The following HIC1 variants were observed in gnomAD, a reference collection of about 807,000 sequenced individuals.
HIC1 encodes the protein hypermethylated in cancer 1 protein.
A neutral mutation model predicts 26.4 loss-of-function variants in HIC1; 9 were observed. The ratio of observed to expected loss-of-function variants is 0.34; its 90% CI spans 0.21 to 0.59. HIC1 has a LOEUF of 0.59. HIC1 is among the 20% of genes least tolerant of loss of function. The pLI, the probability that HIC1 is intolerant of heterozygous loss-of-function variation, is 0.82. For synonymous variants in HIC1, 631 were observed against 523.1 expected (o/e 1.21, Z -2.81); for missense variants, 965 against 1,075.7 (o/e 0.90, Z 1.44).
chr17:2,057,770 C>A lies in HIC1; in HGVS notation c.1080C>A (p.Arg360=). The A allele has an allele frequency of 6.8e-7, 1 of 1,464,904 alleles. No individual in the cohort carries two copies. The highest frequency in any genetic ancestry group is 1.3e-5 in the South Asian group (1 of 74,936). 90.7% of individuals were successfully genotyped at this position (1,464,904 alleles called of 1,614,324 possible). The change falls in exon 2 of 2, where the codon CGC becomes CGA. Residue 360 remains arginine (R), a synonymous_variant. Coordinates refer to ENST00000619757, the MANE Select transcript of HIC1 (RefSeq NM_006497.4). ...GPPLGLAPPP[R]YPGSLDGPGA... is the part of the protein sequence containing the mutation. The stretch of plus-strand genomic sequence containing the variant: ...CGCTCGGCCTGGCGCCGCCGCCGCG[C>A]TACCCTGGCAGCCTGGACGGGCCCG...
At chr17:2,056,220 T>C in intron 1 of HIC1, 1 of 1,143,452 alleles carries the variant, frequency 8.7e-7, no homozygotes, top group Non-Finnish European at 1.3e-6. Flanking sequence ...TCCGTATCAC[T>C]TCCCCCAACT....
chr17:2,058,676 G>C lies in HIC1; in HGVS notation c.1986G>C (p.Leu662=). Reference sequence around the variant, plus strand: ...TGCTGGCGCAGACCACGCACTTCCTGCACGACCCCAAGGTGGCGCTGGAGA... The same window carrying C: ...TGCTGGCGCAGACCACGCACTTCCTCCACGACCCCAAGGTGGCGCTGGAGA... ...AELLAQTTHF[L]HDPKVALESL... is the part of the protein sequence containing the mutation. Residue 662 remains leucine (L), a synonymous_variant, in exon 2 of 2, where the codon CTG becomes CTC. Transcript: ENST00000619757. The C allele has an allele frequency of 1.9e-6, 3 of 1,558,514 alleles. No individual in the cohort carries two copies. The highest frequency in any genetic ancestry group is 2.6e-6 in the Non-Finnish European group (3 of 1,157,606).
chr17:2,058,656 G>T lies in HIC1; in HGVS notation c.1966G>T (p.Ala656Ser). 6.4e-7 allele frequency: 1 copy of T among 1,564,136 alleles called. No homozygotes were observed. The highest frequency in any genetic ancestry group is 1.8e-5 in the Admixed American group (1 of 54,270). Residue 656 changes from alanine to serine, a missense_variant, in exon 2 of 2, where the codon GCG becomes TCG. Physicochemically the swap from Ala to Ser is moderately conservative, Grantham distance 99. Around this residue, in one of 6 missense-constraint regions of HIC1, gnomAD observed 210 missense variants for 179.2 expected, o/e 1.17. Coordinates refer to ENST00000619757, the MANE Select transcript of HIC1 (RefSeq NM_006497.4). ...CAAGGCGGCCGCGGCCGAGCTGCTG[G>T]CGCAGACCACGCACTTCCTGCACGA... ...QDKAAAAELL[A>S]QTTHFLHDPK...
Position 2,057,223 on chromosome 17 carries a change from C to A in HIC1, c.533C>A (p.Pro178Gln). The change falls in exon 2 of 2, where the codon CCG (proline) becomes CAG (glutamine). Residue 178 changes from proline to glutamine, a missense_variant. By Grantham distance (76) the Pro-to-Gln change is moderately conservative. Coordinates refer to ENST00000619757, the MANE Select transcript of HIC1 (RefSeq NM_006497.4). Reference sequence around the variant, plus strand: ...TACCCGTCCCCAGTCGGGCCTCCGCCGCCGCCTGCCGCGGAGCCGCCCTCG... The same window carrying A: ...TACCCGTCCCCAGTCGGGCCTCCGCAGCCGCCTGCCGCGGAGCCGCCCTCG... Reference protein sequence around the residue: ...ACYPSPVGPPPPPAAEPPSGP... With the variant: ...ACYPSPVGPPQPPAAEPPSGP... 7.1e-7 allele frequency: 1 copy of A among 1,408,910 alleles called. No individual in the cohort carries two copies. The highest frequency in any genetic ancestry group is 1.4e-5 in the South Asian group (1 of 70,208). 87.3% of individuals were successfully genotyped at this position (1,408,910 alleles called of 1,614,324 possible).
rs1184993734 is a variant in HIC1 at position 2,058,688 on chromosome 17, G to A, written c.1998G>A (p.Lys666=). 4 of 1,552,116 alleles carry A rather than the reference G, an allele frequency of 2.6e-6. No homozygotes were observed. The highest frequency in any genetic ancestry group is 3.5e-6 in the Non-Finnish European group (4 of 1,153,594). ...CCACGCACTTCCTGCACGACCCCAA[G>A]GTGGCGCTGGAGAGCCTCTACCCGC... ...AQTTHFLHDP[K]VALESLYPLA... is the part of the protein sequence containing the mutation. The change falls in exon 2 of 2, where the codon AAG becomes AAA. Residue 666 remains lysine (K), a synonymous_variant. Coordinates refer to ENST00000619757, the MANE Select transcript of HIC1 (RefSeq NM_006497.4).
At position 2,058,016 on chromosome 17, in the gene HIC1, G is replaced by C; in HGVS notation, c.1326G>C (p.Glu442Asp). 6.2e-7 allele frequency: 1 copy of C among 1,601,530 alleles called. No individual in the cohort carries two copies. The highest frequency in any genetic ancestry group is 8.5e-7 in the Non-Finnish European group (1 of 1,174,728). ...ACGCGCACGTGGAGGCTCACGTGGA[G>C]GAGGAGGAAGCGCTGTACGGCAGGG... ...QLNAHVEAHV[E>D]EEEALYGRAE... The change falls in exon 2 of 2, where the codon GAG becomes GAC. Residue 442 changes from glutamate (E) to aspartate (D), a missense_variant. Glu to Asp is a conservative substitution (Grantham distance 45). This residue lies in a region of HIC1 where 105 missense variants were observed against 101.4 expected (regional missense o/e 1.04). Transcript: ENST00000619757.
chr17:2,061,845 C>CAT lies in HIC1; in HGVS notation c.*3012_*3013dup, dbSNP rs2151377437. The CAT allele has an allele frequency of 3.8e-6, 2 of 528,594 alleles. No individual in the cohort carries two copies. Among genetic ancestry groups the CAT allele is most frequent in the Non-Finnish European group, 6.8e-6 (2 of 292,506 alleles). 32.7% of individuals were successfully genotyped at this position (528,594 alleles called of 1,614,324 possible). On this transcript the variant is annotated 3_prime_UTR_variant, in exon 2 of 2. Transcript: ENST00000619757. ...GGCTTCTGCCTTGACTCCGGCCTCC[C>CAT]ATACAGGACTCTCTTCTGCCTAGTT...
Position 2,058,337 on chromosome 17 carries a change from C to T in HIC1, c.1647C>T (p.Cys549=), listed in dbSNP as rs776060356. Residue 549 remains cysteine (C), a synonymous_variant, in exon 2 of 2, where the codon TGC becomes TGT. Transcript: ENST00000619757. ...TCAAGCCCTTCGCGTGCGACGCGTGCGGCATGCGGTTCACGCGCCAGTACC... is the reference window on the plus strand; with the variant it reads ...TCAAGCCCTTCGCGTGCGACGCGTGTGGCATGCGGTTCACGCGCCAGTACC... ...LGLKPFACDA[C]GMRFTRQYRL... The T allele has an allele frequency of 1.2e-6, 2 of 1,609,358 alleles. No individual in the cohort carries two copies. The highest frequency in any genetic ancestry group is 1.7e-5 in the Admixed American group (1 of 59,670).
At position 2,058,581 on chromosome 17, in the gene HIC1, T is replaced by C; in HGVS notation, c.1891T>C (p.Phe631Leu). The C allele has an allele frequency of 3.2e-6, 5 of 1,563,306 alleles. No homozygotes were observed. The highest frequency in any genetic ancestry group is 4.3e-6 in the Non-Finnish European group (5 of 1,162,080). The change falls in exon 2 of 2, where the codon TTT becomes CTT. Residue 631 changes from phenylalanine (F) to leucine (L), a missense_variant. Physicochemically the swap from Phe to Leu is conservative, Grantham distance 22. Transcript: ENST00000619757. Reference sequence around the variant, plus strand: ...CAAGCTCGACTTCCCCGAGGGCGTCTTTGCTGTGGCTCGCCTCACGGCCGA... The same window carrying C: ...CAAGCTCGACTTCCCCGAGGGCGTCCTTGCTGTGGCTCGCCTCACGGCCGA... ...KGKLDFPEGVFAVARLTAEQL... is the reference protein window; with the variant it reads ...KGKLDFPEGVLAVARLTAEQL...
rs1434591722 is a variant in HIC1, at chr17:2,063,212, A to AT, written c.*4382dup. On this transcript the variant is annotated 3_prime_UTR_variant, in exon 2 of 2. Coordinates refer to ENST00000619757, the MANE Select transcript of HIC1 (RefSeq NM_006497.4). ...CAGGGGTTTCTGTGGATACTTTGACATTTTTCACAATAAACATCCTCTGTT... is the reference window on the plus strand; with the variant it reads ...CAGGGGTTTCTGTGGATACTTTGACATTTTTTCACAATAAACATCCTCTGTT... 3.3e-5 allele frequency: 5 copies of AT among 152,294 alleles called. No individual in the cohort carries two copies. Among genetic ancestry groups the AT allele is most frequent in the East Asian group, 1.9e-4 (1 of 5,188 alleles). 9.4% of individuals were successfully genotyped at this position (152,294 alleles called of 1,614,324 possible). A position where few individuals can be genotyped will look rare whatever the true frequency, so the allele number is the denominator to read the frequency against.
In HIC1 at chr17:2,059,117, T is replaced by C. The variant is rs1042430070; in HGVS notation, c.*282T>C. On this transcript the variant is annotated 3_prime_UTR_variant, in exon 2 of 2. Coordinates refer to ENST00000619757, the MANE Select transcript of HIC1 (RefSeq NM_006497.4). ...ACCCCAGGCCCCTCCCGCCTCTTCC[T>C]GTGGTTCGTCGGCCCCCTCCCCCGG... The C allele has an allele frequency of 3.1e-5, 11 of 360,560 alleles. No homozygotes were observed. Among genetic ancestry groups the C allele is most frequent in the Admixed American group, 2.0e-4 (4 of 20,156 alleles). 22.3% of individuals were successfully genotyped at this position (360,560 alleles called of 1,614,324 possible).
In HIC1 at chr17:2,055,843, G is replaced by C. The variant is rs1259783036; in HGVS notation, c.-21+605G>C. On this transcript the variant is annotated intron_variant, in intron 1 of 1. Transcript: ENST00000619757. This position sits in a 1 kb window ranked among gnomAD's most constrained non-coding sequence, Gnocchi z 6.4. ...AGTTTGGGGCGGCGGAGTTCCGGGGGAGAAGGGGCCGGGGGAGCCGCGGAG... is the reference window on the plus strand; with the variant it reads ...AGTTTGGGGCGGCGGAGTTCCGGGGCAGAAGGGGCCGGGGGAGCCGCGGAG... Among the ~76,000 whole-genome samples, 28 of 151,610 alleles carry C rather than the reference G, an allele frequency of 1.8e-4. No homozygotes were observed. In the East Asian group the frequency reaches 4.3e-3, roughly 23 times the overall value.
Position 2,057,532 on chromosome 17 carries a change from C to T in HIC1, c.842C>T (p.Ala281Val), listed in dbSNP as rs2067683906. 2.0e-6 allele frequency: 3 copies of T among 1,496,426 alleles called. No homozygotes were observed. The highest frequency in any genetic ancestry group is 2.9e-5 in the African/African-American group (2 of 68,668). 92.7% of individuals were successfully genotyped at this position (1,496,426 alleles called of 1,614,324 possible). Residue 281 changes from alanine (A) to valine (V), a missense_variant, in exon 2 of 2, where the codon GCC becomes GTC. This residue lies in a region of HIC1 where 526 missense variants were observed against 525.0 expected (regional missense o/e 1.00). Transcript: ENST00000619757. ...CTGCCCTTCCAGAAGCTGGAGGAGG[C>T]CGCACCGCCTTCCGACCCATTTCGC... ...PPLPFQKLEE[A>V]APPSDPFRGG... is the part of the protein sequence containing the mutation.
rs1247173761 is a variant in HIC1 at position 2,061,509 on chromosome 17, A to G, written c.*2674A>G. 1 of 1,570,966 alleles carries G rather than the reference A, an allele frequency of 6.4e-7. No individual in the cohort carries two copies. The highest frequency in any genetic ancestry group is 8.6e-7 in the Non-Finnish European group (1 of 1,159,422). ...TGGCTCCCTCAGCCCACCTGGGCCCACGTGAGGAAGGCTGGGATGTCCCGT... is the reference window on the plus strand; with the variant it reads ...TGGCTCCCTCAGCCCACCTGGGCCCGCGTGAGGAAGGCTGGGATGTCCCGT... On this transcript the variant is annotated 3_prime_UTR_variant, in exon 2 of 2. Transcript: ENST00000619757.
Position 2,057,208 on chromosome 17 carries a change from C to CGGG in HIC1, c.518_519insGGG (p.Pro173_Val174insGly). ...GTCATCCAGGCCTGCTACCCGTCCC[C>CGGG]AGTCGGGCCTCCGCCGCCGCCTGCC... On this transcript the variant is annotated inframe_insertion, in exon 2 of 2. Coordinates refer to ENST00000619757, the MANE Select transcript of HIC1 (RefSeq NM_006497.4). The CGGG allele has an allele frequency of 1.4e-6, 2 of 1,392,320 alleles. No homozygotes were observed. Among genetic ancestry groups the CGGG allele is most frequent in the Non-Finnish European group, 1.9e-6 (2 of 1,075,590 alleles). 86.2% of individuals were successfully genotyped at this position (1,392,320 alleles called of 1,614,324 possible).
rs1293810774 is a variant in HIC1 at position 2,057,099 on chromosome 17, T to C, written c.409T>C (p.Cys137Arg). Residue 137 changes from cysteine (C) to arginine (R), a missense_variant, in exon 2 of 2, where the codon TGC becomes CGC. This residue lies in a region of HIC1 where 526 missense variants were observed against 525.0 expected (regional missense o/e 1.00). Coordinates refer to ENST00000619757, the MANE Select transcript of HIC1 (RefSeq NM_006497.4). The stretch of plus-strand genomic sequence containing the variant: ...ACGCCTCAAGCGCCACGGCAAGTAC[T>C]GCCACCTGCGGGGCGGCGGCGGCGG... ...KKRLKRHGKY[C>R]HLRGGGGGGG... is the part of the protein sequence containing the mutation. 3 of 1,357,028 alleles carry C rather than the reference T, an allele frequency of 2.2e-6. No homozygotes were observed. The highest frequency in any genetic ancestry group is 1.9e-6 in the Non-Finnish European group (2 of 1,062,564). The allele number at this position is 1,357,028 out of a possible 1,614,324, so 84.1% of individuals were successfully genotyped here.
At position 2,057,162 on chromosome 17, in the gene HIC1, G is replaced by T; in HGVS notation, c.472G>T (p.Gly158Cys). ...GYAPYGRPGR[G>C]LRAATPVIQA... ...CGCGCCCTATGGTCGGCCGGGCCGG[G>T]GCCTGCGGGCCGCCACGCCGGTCAT... The change falls in exon 2 of 2, where the codon GGC (glycine) becomes TGC (cysteine). Residue 158 changes from glycine (G) to cysteine (C), a missense_variant. Physicochemically the swap from Gly to Cys is radical, Grantham distance 159. Transcript: ENST00000619757. The T allele has an allele frequency of 7.6e-7, 1 of 1,323,972 alleles. No homozygotes were observed. The highest frequency in any genetic ancestry group is 2.0e-5 in the South Asian group (1 of 49,588). The allele number at this position is 1,323,972 out of a possible 1,614,324, so 82.0% of individuals were successfully genotyped here. A position where few individuals can be genotyped will look rare whatever the true frequency, so the allele number is the denominator to read the frequency against.
rs1297135845 is a variant in HIC1 at position 2,062,561 on chromosome 17, TA to T, written c.*3728del. ...TCTCTTTCCCTAACTCCCTAATCTT[TA>T]ACACATTGGAGAGAATTTAAGCCAG... On this transcript the variant is annotated 3_prime_UTR_variant, in exon 2 of 2. Transcript: ENST00000619757. 1 of 152,106 alleles carries T rather than the reference TA, an allele frequency of 6.6e-6. No homozygotes were observed. Among genetic ancestry groups the T allele is most frequent in the African/African-American group, 2.4e-5 (1 of 41,390 alleles). The allele number at this position is 152,106 out of a possible 1,614,324, so 9.4% of individuals were successfully genotyped here. A position where few individuals can be genotyped will look rare whatever the true frequency, so the allele number is the denominator to read the frequency against.
Position 2,061,386 on chromosome 17 carries a change from T to G in HIC1, c.*2551T>G. The G allele has an allele frequency of 3.5e-6, 4 of 1,131,842 alleles. No individual in the cohort carries two copies. The South Asian group carries it at 5.9e-5, about 17-fold the overall frequency. The allele number at this position is 1,131,842 out of a possible 1,614,324, so 70.1% of individuals were successfully genotyped here. ...GGTTGGAAGAGGATGGTTTATTGTC[T>G]GGGTGGATTGGTGGCTCAGGCACGT... On this transcript the variant is annotated 3_prime_UTR_variant, in exon 2 of 2. Transcript: ENST00000619757.
Sources: allele counts gnomAD v4.1 joint callset (sites outside exome capture counted in the v4.1 genomes callset), GRCh38; gene constraint gnomAD v4.1.1; regional missense constraint gnomAD v4.1.1; non-coding constraint Gnocchi (gnomAD v3.1); transcripts MANE v1.5; gene names NCBI Gene and HGNC (gene_info 2026-07-23, HGNC 2026-07-21).